Variants in ACCS observed in about 807,000 individuals in gnomAD.
ACCS encodes the protein 1-aminocyclopropane-1-carboxylate synthase homolog (inactive).
In ACCS, 42 loss-of-function variants were observed where a neutral mutation model predicts 59.8. That is an observed-to-expected ratio of 0.70 (90% CI 0.55 to 0.91). The LOEUF is 0.91. Among genes scored for constraint, ACCS ranks in the 40% least tolerant of loss-of-function variants. The pLI is 0.00. For synonymous variants in ACCS, 230 were observed against 240.3 expected, an observed-to-expected ratio of 0.96 and a Z score of 0.40; for missense variants, 602 against 630.4, an observed-to-expected ratio of 0.95 and a Z score of 0.48.
chr11:44,076,500 A>G (rs1953367061), intron 6 of ACCS, among the ~76,000 whole-genome samples: 1 of 152,210 alleles, frequency 6.6e-6, no homozygotes, highest in Admixed American at 6.5e-5. Context: ...ACCATGAAAG[A>G]GAGATTCATT....
rs147739686 is a variant in ACCS, at chr11:44,077,158, A to G, written c.557-121A>G. The G allele has an allele frequency of 4.4e-4, 488 of 1,106,094 alleles. 2 individuals are homozygous for G. In the African/African-American group the frequency reaches 7.2e-3, roughly 16 times the overall value. 68.5% of individuals were successfully genotyped at this position (1,106,094 alleles called of 1,614,324 possible). ...AAGTGTTTTGGGAGTTAAGAGTGCA[A>G]GTATGCCCCAAACGGTCCCCAAAGA... On this transcript the variant is annotated intron_variant, in intron 6 of 14. Coordinates refer to ENST00000263776, the MANE Select transcript of ACCS (RefSeq NM_032592.4).
intron 6 of ACCS, 59 bp from the exon 7 acceptor site, chr11:44,077,220 A>C: frequency 6.4e-7 from 1 of 1,561,778 alleles, no homozygotes; most frequent in Non-Finnish European, 8.7e-7. Context: ...GACAGTGGAC[A>C]GAGGGTCTGG....
Position 44,075,633 on chromosome 11 carries a change from T to C in ACCS, c.556+41T>C, listed in dbSNP as rs368545572. ...GGCCTGCCCCGCACTGTGAGCCTCA[T>C]TGTGCTTGCAGGGTTCCCAGTTGCC... is the stretch of plus-strand genomic sequence containing the variant. On this transcript the variant is annotated intron_variant, in intron 6 of 14. Transcript: ENST00000263776. 28 of 1,605,166 alleles carry C rather than the reference T, an allele frequency of 1.7e-5. 1 individual carries two copies. In the South Asian group the frequency reaches 2.9e-4, roughly 16 times the overall value.
chr11:44,077,492 T>C, intron 7 of ACCS, 116 bp downstream of exon 7: 6 of 1,519,036 alleles, frequency 3.9e-6, no homozygotes, highest in Non-Finnish European at 5.3e-6. Flanking sequence ...GAGTAGGGAA[T>C]GGAGCCTTCT....
Position 44,075,535 on chromosome 11 carries a change from C to G in ACCS, c.499C>G (p.Leu167Val). The G allele has an allele frequency of 6.2e-7, 1 of 1,614,154 alleles. No homozygotes were observed. The highest frequency in any genetic ancestry group is 8.5e-7 in the Non-Finnish European group (1 of 1,180,024). Residue 167 changes from leucine to valine, a missense_variant, in exon 6 of 15, where the codon CTG becomes GTG. Leu to Val is a conservative substitution (Grantham distance 32). Coordinates refer to ENST00000263776, the MANE Select transcript of ACCS (RefSeq NM_032592.4). The stretch of plus-strand genomic sequence containing the variant: ...GATATGTCGCCCTTAGGTGGTTGTC[C>G]TGAATGGTGGTGCCTCGCTCTTCTC... ...VPLRPENVVV[L>V]NGGASLFSAL...
chr11:44,080,941 C>G (rs377388612), intron 10 of ACCS, 79 bp from the exon 11 acceptor site: 37 of 1,561,056 alleles, frequency 2.4e-5, no homozygotes, highest in Non-Finnish European at 3.1e-5. Context: ...AACCACCCAT[C>G]TCTTCATTTG....
rs776442113 is a variant in ACCS, at chr11:44,083,765, C to T, written c.1479C>T (p.Ser493=). 2.5e-6 allele frequency: 4 copies of T among 1,613,632 alleles called. No homozygotes were observed. The South Asian group carries it at 4.4e-5, about 18-fold the overall frequency. The part of the protein sequence containing the change: ...QVAEDPRPSQ[S]QEPSDQRR ...CAGAAGACCCCCGTCCCTCTCAGAG[C>T]CAGGAGCCAAGTGACCAACGCAGGT... The change falls in exon 15 of 15, where the codon AGC becomes AGT. Residue 493 remains serine, a synonymous_variant. Coordinates refer to ENST00000263776, the MANE Select transcript of ACCS (RefSeq NM_032592.4).
In ACCS at chr11:44,079,603, T is replaced by A; in HGVS notation, c.906T>A (p.Ser302Arg). Reference sequence around the variant, plus strand: ...TTGAGAAGTCTGTTGGGTACCGCAGTGTCCTAAGCCTGGAAAGGTGAGGCT... The same window carrying A: ...TTGAGAAGTCTGTTGGGTACCGCAGAGTCCTAAGCCTGGAAAGGTGAGGCT... ...SVFEKSVGYR[S>R]VLSLERLPDP... The change falls in exon 10 of 15, where the codon AGT becomes AGA. Residue 302 changes from serine (S) to arginine (R), a missense_variant. Physicochemically the swap from Ser to Arg is moderately radical, Grantham distance 110. Coordinates refer to ENST00000263776, the MANE Select transcript of ACCS (RefSeq NM_032592.4). 2 of 1,610,794 alleles carry A rather than the reference T, an allele frequency of 1.2e-6. No individual in the cohort carries two copies. Among genetic ancestry groups the A allele is most frequent in the Non-Finnish European group, 1.7e-6 (2 of 1,178,816 alleles).
intron 4 of ACCS, 52 bp from the exon 5 acceptor site, chr11:44,074,560 A>C (rs200343747): frequency 7.1e-7 from 1 of 1,417,466 alleles, no homozygotes; most frequent in Non-Finnish European, 1.0e-6. Context: ...TTCAGGATGC[A>C]CCGTGGGTTG....
chr11:44,079,517 C>T lies in ACCS; in HGVS notation c.834-14C>T, dbSNP rs1248610949. 5.0e-6 allele frequency: 8 copies of T among 1,603,490 alleles called. No homozygotes were observed. Among genetic ancestry groups the T allele is most frequent in the African/African-American group, 1.3e-5 (1 of 74,836 alleles). The stretch of plus-strand genomic sequence containing the variant: ...CACACTAAGTCTCTCCTCCCCACCC[C>T]TGCCTCACTCCAGGCACAGGCTGCA... On this transcript the variant is annotated splice_polypyrimidine_tract_variant and intron_variant, in intron 9 of 14. Coordinates refer to ENST00000263776, the MANE Select transcript of ACCS (RefSeq NM_032592.4).
At chr11:44,074,794 C>G in intron 5 of ACCS, 113 bp downstream of exon 5, 1 of 234,980 alleles carries the variant, frequency 4.3e-6, no homozygotes, top group Non-Finnish European at 5.8e-6. Context: ...CTCTCTCTTT[C>G]TCTCCTTCCT....
At position 44,083,410 on chromosome 11, in the gene ACCS, T is replaced by C. The variant is rs371740689; in HGVS notation, c.1255-14T>C. 3.1e-5 allele frequency: 50 copies of C among 1,613,970 alleles called. No homozygotes were observed. The Middle Eastern group carries it at 4.9e-4, about 16-fold the overall frequency. On this transcript the variant is annotated splice_polypyrimidine_tract_variant and intron_variant, in intron 13 of 14. Transcript: ENST00000263776. The stretch of plus-strand genomic sequence containing the variant: ...GGGTCTCAGCTATGTCCTGAGCCCC[T>C]TCCACCCTCTCAGTACCTGCCCAAG...
chr11:44,070,595 C>G (rs78326930), intron 2 of ACCS, among the ~76,000 whole-genome samples: 3,737 of 152,200 alleles, frequency 0.025, 59 homozygotes, highest in Non-Finnish European at 0.04. Context: ...AGGCCTGCAC[C>G]GAGTCTCCCT....
In ACCS at chr11:44,083,223, A is replaced by C. The variant is rs777288890; in HGVS notation, c.1166A>C (p.His389Pro). Residue 389 changes from histidine (H) to proline (P), a missense_variant, in exon 13 of 15, where the codon CAC (histidine) becomes CCC (proline). His to Pro is a moderately conservative substitution (Grantham distance 77). Transcript: ENST00000263776. ...PENHARLKAAHTYVSEELRAL... is the reference protein window; with the variant it reads ...PENHARLKAAPTYVSEELRAL... ...AACCATGCCCGGCTCAAGGCTGCCC[A>C]CACCTATGTCTCAGAAGAGCTTAGG... The C allele has an allele frequency of 8.1e-6, 13 of 1,614,060 alleles. No homozygotes were observed. The highest frequency in any genetic ancestry group is 1.3e-5 in the African/African-American group (1 of 74,914).
intron 5 of ACCS, among the ~76,000 whole-genome samples, 167 bp downstream of exon 5, chr11:44,074,848 T>A (rs115884656): frequency 0.11 from 16,047 of 141,622 alleles, 1,123 homozygotes; most frequent in Middle Eastern, 0.18. Flanking sequence ...TTTTTCAGAC[T>A]GACTCTTGCT....
At chr11:44,083,358 T>A (rs754812984) in intron 13 of ACCS, 47 bp downstream of exon 13, 1 of 1,612,940 alleles carries the variant, frequency 6.2e-7, no homozygotes, top group South Asian at 1.1e-5. Flanking sequence ...CAGGTCTCCC[T>A]CCAGCAGGTG....
At chr11:44,071,801 C>T (rs1462472874) in intron 3 of ACCS, 1 of 152,850 alleles carries the variant, frequency 6.5e-6, no homozygotes, top group Non-Finnish European at 1.5e-5. Context: ...GAACTGACCT[C>T]AAAAACATAG....
intron 10 of ACCS, 35 bp from the exon 11 acceptor site, chr11:44,080,985 G>C: frequency 6.2e-7 from 1 of 1,613,712 alleles, no homozygotes; most frequent in Non-Finnish European, 8.5e-7. Flanking sequence ...CCATAGTTCT[G>C]TGTTGCCTCT....
chr11:44,079,733 C>A, intron 10 of ACCS, 113 bp downstream of exon 10: 1 of 858,556 alleles, frequency 1.2e-6, no homozygotes, highest in Non-Finnish European at 1.8e-6. Context: ...TCCATTTCCA[C>A]CCAGCTGGTC....
Sources: allele counts gnomAD v4.1 joint callset (sites outside exome capture counted in the v4.1 genomes callset), GRCh38; gene constraint gnomAD v4.1.1; transcripts MANE v1.5; gene names NCBI Gene and HGNC (gene_info 2026-07-23, HGNC 2026-07-21).